Variants in HSPG2 observed in about 807,000 individuals in gnomAD.
HSPG2 encodes the protein heparan sulfate proteoglycan 2.
A neutral mutation model predicts 526.6 loss-of-function variants in HSPG2; 278 were observed. The observed-to-expected ratio is 0.53, with a 90% CI of 0.48 to 0.58. The LOEUF (loss-of-function observed/expected upper bound fraction) is 0.58. Ranked by LOEUF, HSPG2 falls within the 20% of genes least tolerant of loss-of-function variation. The probability of loss-of-function intolerance (pLI) is 0.00; values close to 1 mark genes in which losing one functional copy is unlikely to be tolerated. For missense variants in HSPG2, 5,354 were observed against 6,099.5 expected (o/e 0.88, Z 4.07); for synonymous variants, 2,465 against 2,555.4 (o/e 0.96, Z 1.07).
In HSPG2 at chr1:21,834,875, G is replaced by A. The variant is rs991985128; in HGVS notation, c.10524C>T (p.Phe3508=). 9.9e-6 allele frequency: 16 copies of A among 1,613,688 alleles called. No individual in the cohort carries two copies. Among genetic ancestry groups the A allele is most frequent in the East Asian group, 6.7e-5 (3 of 44,878 alleles). The change falls in exon 77 of 97, where the codon TTC becomes TTT. Residue 3508 remains phenylalanine, a synonymous_variant. Coordinates refer to ENST00000374695, the MANE Select transcript of HSPG2 (RefSeq NM_005529.7). ...QTVVVGHAVE[F]ECLALGDPKP... ...TGGGGTCACCCAGTGCCAGGCATTC[G>A]AACTCCACGGCGTGGCCAACCACCA...
At chr1:21,874,090 GA>G (rs1203578096) in intron 28 of HSPG2, 79 bp from the exon 29 acceptor site, 92 of 1,271,896 alleles carry the variant, frequency 7.2e-5, no homozygotes, top group Non-Finnish European at 1.1e-6. Flanking sequence ...GACCAGGGGA[GA>G]GGGGAGGGGA....
In HSPG2 at chr1:21,888,575, GGGTTACAGGCGT is replaced by G. The variant is rs542846445; in HGVS notation, c.575-521_575-510del. On this transcript the variant is annotated intron_variant, in intron 6 of 96. Transcript: ENST00000374695. ...CCCGTCTTGGCCTCCCAAAGTGCTG[GGGTTACAGGCGT>G]GAGCCCCTGCACCCGGCCTCCTCTC... The G allele has an allele frequency of 1.5e-3, 1,332 of 906,010 alleles. 17 individuals carry two copies. In the African/African-American group the frequency reaches 0.021, roughly 14 times the overall value. The allele number at this position is 906,010 out of a possible 1,614,324, so 56.1% of individuals were successfully genotyped here.
At chr1:21,883,125 G>C (rs1395699095) in intron 13 of HSPG2, among the ~76,000 whole-genome samples, 1 of 152,100 alleles carries the variant, frequency 6.6e-6, no homozygotes, top group Non-Finnish European at 1.5e-5. Flanking sequence ...TGTGAACCCA[G>C]GGAAGCCCCA....
rs756750121 is a variant in HSPG2, at chr1:21,841,625, G to T, written c.9242C>A (p.Thr3081Asn). The change falls in exon 70 of 97, where the codon ACC (threonine) becomes AAC (asparagine). Residue 3081 changes from threonine to asparagine, a missense_variant. Physicochemically the swap from Thr to Asn is moderately conservative, Grantham distance 65. Coordinates refer to ENST00000374695, the MANE Select transcript of HSPG2 (RefSeq NM_005529.7). ...PNGSIITIVG[T>N]RPSNHGTYRC... ...GTAGGTACCGTGGTTGCTGGGCCGG[G>T]TGCCCACGATGGTGATGATGGAGCC... 1 of 1,614,150 alleles carries T rather than the reference G, an allele frequency of 6.2e-7. No homozygotes were observed. The highest frequency in any genetic ancestry group is 2.2e-5 in the East Asian group (1 of 44,874).
At chr1:21,852,285 G>C in intron 52 of HSPG2, 52 bp from the exon 53 acceptor site, 1 of 1,609,646 alleles carries the variant, frequency 6.2e-7, no homozygotes, top group Non-Finnish European at 8.5e-7. Context: ...GAGATGAGAG[G>C]GCAGGGGTTG....
Position 21,876,609 on chromosome 1 carries a change from G to A in HSPG2, c.2729C>T (p.Ser910Phe), listed in dbSNP as rs1469910143. 6.8e-6 allele frequency: 11 copies of A among 1,614,110 alleles called. No individual in the cohort carries two copies. The highest frequency in any genetic ancestry group is 4.5e-5 in the East Asian group (2 of 44,884). The part of the protein sequence containing the change: ...GRLCNECADG[S>F]FHLSTRNPDG... The stretch of plus-strand genomic sequence containing the variant: ...GGGGTTTCGGGTACTCAGGTGGAAA[G>A]AGCCGTCAGCACATTCATTGCACAA... The change falls in exon 22 of 97, where the codon TCT (serine) becomes TTT (phenylalanine). Residue 910 changes from serine (S) to phenylalanine (F), a missense_variant. By Grantham distance (155) the Ser-to-Phe change is radical (BLOSUM62 -2). Coordinates refer to ENST00000374695, the MANE Select transcript of HSPG2 (RefSeq NM_005529.7).
chr1:21,872,751 C>G lies in HSPG2; in HGVS notation c.3898G>C (p.Glu1300Gln), dbSNP rs1640750347. ...AGQCQCKAQV[E>Q]GLTCSHCRPH... ...CGGCAGTGGCTGCAAGTGAGGCCTT[C>G]CACCTGGGCCTGGGTAGACGGATGG... Residue 1300 changes from glutamate (E) to glutamine (Q), a missense_variant, in exon 32 of 97, where the codon GAA becomes CAA. Physicochemically the swap from Glu to Gln is conservative, Grantham distance 29 (BLOSUM62 2). Coordinates refer to ENST00000374695, the MANE Select transcript of HSPG2 (RefSeq NM_005529.7). This position sits in a 1 kb window ranked among gnomAD's most constrained non-coding sequence, Gnocchi z 5.5. 6.2e-7 allele frequency: 1 copy of G among 1,609,160 alleles called. No individual in the cohort carries two copies. The highest frequency in any genetic ancestry group is 8.5e-7 in the Non-Finnish European group (1 of 1,178,558).
At chr1:21,831,593 C>T (rs766713689) in intron 82 of HSPG2, 31 bp from the exon 83 acceptor site, 102 of 1,613,798 alleles carry the variant, frequency 6.3e-5, no homozygotes, top group Admixed American at 8.3e-5. Context: ...GGAATGGCAA[C>T]AGAGGCTGGG....
chr1:21,853,560 G>A (rs570582947), intron 50 of HSPG2: 198 of 170,856 alleles, frequency 1.2e-3, no homozygotes, highest in African/African-American at 4.6e-3. Context: ...TGGCTAACAC[G>A]GTGAAACCCC....
In HSPG2 at chr1:21,895,936, C is replaced by T. The variant is rs781626223; in HGVS notation, c.230G>A (p.Gly77Glu). Residue 77 changes from glycine (G) to glutamate (E), a missense_variant, in exon 3 of 97, where the codon GGG becomes GAG. By Grantham distance (98) the Gly-to-Glu change is moderately conservative (BLOSUM62 -2). Transcript: ENST00000374695. The surrounding 1 kb of genome is among the most constrained non-coding windows in gnomAD (Gnocchi z 4.1). ...DDLGSGDLGS[G>E]DFQMVYFRAL... is the part of the protein sequence containing the mutation. ...CAGCAACTTACCCATCTGGAAGTCC[C>T]CGCTGCCCAGGTCCCCACTGCCCAG... 1.2e-6 allele frequency: 2 copies of T among 1,614,104 alleles called. No homozygotes were observed. The highest frequency in any genetic ancestry group is 4.5e-5 in the East Asian group (2 of 44,876).
intron 1 of HSPG2, among the ~76,000 whole-genome samples, chr1:21,900,106 G>A (rs1271251479): frequency 6.6e-6 from 1 of 152,224 alleles, no homozygotes; most frequent in African/African-American, 2.4e-5. Flanking sequence ...GAGGGAGCCC[G>A]GCTTCCTCCC....
intron 1 of HSPG2, among the ~76,000 whole-genome samples, chr1:21,933,098 T>C (rs1002693598): frequency 6.6e-6 from 1 of 151,422 alleles, no homozygotes; most frequent in Non-Finnish European, 1.5e-5. Flanking sequence ...AGGGTGTCTG[T>C]AGTCCCAGCT....
At chr1:21,840,660 C>T (rs563416467) in intron 71 of HSPG2, among the ~76,000 whole-genome samples, 3 of 152,110 alleles carry the variant, frequency 2.0e-5, no homozygotes, top group East Asian at 1.9e-4. Flanking sequence ...AGGGTGGTCT[C>T]GAACTCCTGA....
chr1:21,850,860 C>T (rs576669804), intron 55 of HSPG2, among the ~76,000 whole-genome samples: 1 of 152,150 alleles, frequency 6.6e-6, no homozygotes, highest in African/African-American at 2.4e-5. Flanking sequence ...AATATGGTAA[C>T]AACAATAGCT....
intron 33 of HSPG2, among the ~76,000 whole-genome samples, chr1:21,870,002 C>T (rs1640524619): frequency 1.3e-5 from 2 of 152,338 alleles, no homozygotes; most frequent in Middle Eastern, 3.4e-3. Context: ...TCTTTGTGTG[C>T]CCTGGCAACA....
In HSPG2 at chr1:21,848,303, G is replaced by T. The variant is rs1030354701; in HGVS notation, c.7738-210C>A. Reference sequence around the variant, plus strand: ...TCACCCCTCCAGAAAGCCTGTTAAGGCCCTCCGGAGTGTTGACACAGTATC... The same window carrying T: ...TCACCCCTCCAGAAAGCCTGTTAAGTCCCTCCGGAGTGTTGACACAGTATC... On this transcript the variant is annotated intron_variant, in intron 59 of 96. Coordinates refer to ENST00000374695, the MANE Select transcript of HSPG2 (RefSeq NM_005529.7). This position sits in a 1 kb window ranked among gnomAD's most constrained non-coding sequence, Gnocchi z 4.9. Among the ~76,000 whole-genome samples the T allele has an allele frequency of 6.6e-6, 1 of 152,130 alleles. No homozygotes were observed. The highest frequency in any genetic ancestry group is 2.4e-5 in the African/African-American group (1 of 41,412).
chr1:21,917,383 T>C (rs1313859935), intron 1 of HSPG2, among the ~76,000 whole-genome samples: 2 of 151,694 alleles, frequency 1.3e-5, no homozygotes, highest in Non-Finnish European at 2.9e-5. Context: ...CAGTGGGCCA[T>C]GATCGTGCCA....
At position 21,890,491 on chromosome 1, in the gene HSPG2, G is replaced by T. The variant is rs756274622; in HGVS notation, c.355-6C>A. 1 of 1,613,972 alleles carries T rather than the reference G, an allele frequency of 6.2e-7. No homozygotes were observed. Among genetic ancestry groups the T allele is most frequent in the Non-Finnish European group, 8.5e-7 (1 of 1,179,986 alleles). ...TTCAAGTACTCCGACTCCAGCTGGGGAGGGACACAGTGCCATCAGCCCCAG... is the reference window on the plus strand; with the variant it reads ...TTCAAGTACTCCGACTCCAGCTGGGTAGGGACACAGTGCCATCAGCCCCAG... On this transcript the variant is annotated splice_polypyrimidine_tract_variant and splice_region_variant and intron_variant, in intron 4 of 96. Coordinates refer to ENST00000374695, the MANE Select transcript of HSPG2 (RefSeq NM_005529.7). This position sits in a 1 kb window ranked among gnomAD's most constrained non-coding sequence, Gnocchi z 4.1.
intron 3 of HSPG2, among the ~76,000 whole-genome samples, chr1:21,892,951 C>T (rs1408103542): frequency 6.6e-6 from 1 of 152,050 alleles, no homozygotes; most frequent in Non-Finnish European, 1.5e-5. Context: ...GGCGAGGCTG[C>T]CTTGGAATAG....
Sources: allele counts gnomAD v4.1 joint callset (sites outside exome capture counted in the v4.1 genomes callset), GRCh38; gene constraint gnomAD v4.1.1; non-coding constraint Gnocchi (gnomAD v3.1); transcripts MANE v1.5; gene names NCBI Gene and HGNC (gene_info 2026-07-23, HGNC 2026-07-21).